The following POLR3C variants were observed in gnomAD, a reference collection of about 807,000 sequenced individuals.
POLR3C encodes DNA-directed RNA polymerase III subunit RPC3.
POLR3C carries 44 observed loss-of-function variants against 65.9 expected under a neutral mutation model. The ratio of observed to expected loss-of-function variants is 0.67; its 90% CI spans 0.52 to 0.86. The LOEUF (loss-of-function observed/expected upper bound fraction) is 0.86. Ranked by LOEUF, POLR3C falls within the 40% of genes least tolerant of loss-of-function variation. POLR3C has a pLI of 0.00. For missense variants in POLR3C, 576 were observed against 653.2 expected, an observed-to-expected ratio of 0.88 and a Z score of 1.29; for synonymous variants, 263 against 231.6, an observed-to-expected ratio of 1.14 and a Z score of -1.23.
chr1:145,842,379 C>G lies in POLR3C; in HGVS notation c.1564C>G (p.Leu522Val). ...SEIQVDETIF[L>V]LESYIECTMK... ...GATCCAGGTGGACGAAACCATCTTCCTGCTGGAGTCTTACATTGAGTGCAC... is the reference window on the plus strand; with the variant it reads ...GATCCAGGTGGACGAAACCATCTTCGTGCTGGAGTCTTACATTGAGTGCAC... Residue 522 changes from leucine to valine, a missense_variant, in exon 15 of 15, where the codon CTG becomes GTG. Coordinates refer to ENST00000334163, the MANE Select transcript of POLR3C (RefSeq NM_006468.8). The G allele has an allele frequency of 6.2e-7, 1 of 1,612,044 alleles. No individual in the cohort carries two copies. Among genetic ancestry groups the G allele is most frequent in the Non-Finnish European group, 8.5e-7 (1 of 1,178,634 alleles).
In POLR3C at chr1:145,826,585, T is replaced by C. The variant is rs781956372; in HGVS notation, c.279T>C (p.Tyr93=). The part of the protein sequence containing the change: ...LRMLRYPRYI[Y]TTKTLYSDTG... ...TGCTTAGATATCCCCGGTACATCTA[T>C]ACTACCAAAACTCTGTACAGTGACA... The change falls in exon 3 of 15, where the codon TAT becomes TAC. Residue 93 remains tyrosine, a synonymous_variant. Transcript: ENST00000334163. 2.4e-5 allele frequency: 39 copies of C among 1,614,010 alleles called. No homozygotes were observed. The South Asian group carries it at 3.2e-4, about 13-fold the overall frequency.
chr1:145,838,688 A>G (rs1011984748), intron 11 of POLR3C, among the ~76,000 whole-genome samples: 1 of 151,948 alleles, frequency 6.6e-6, no homozygotes, highest in Non-Finnish European at 1.5e-5. Flanking sequence ...CTCTGTCTCA[A>G]AAAACAAAAA....
chr1:145,825,622 T>C (rs1268388496), intron 1 of POLR3C, 135 bp from the exon 2 acceptor site: 1 of 526,742 alleles, frequency 1.9e-6, no homozygotes, highest in Non-Finnish European at 3.3e-6. Flanking sequence ...GTTTCAAAGA[T>C]ATGCAAGATT....
intron 14 of POLR3C, among the ~76,000 whole-genome samples, 191 bp from the exon 15 acceptor site, chr1:145,842,148 C>A (rs964116590): frequency 6.6e-6 from 1 of 152,114 alleles, no homozygotes; most frequent in Non-Finnish European, 1.5e-5. Context: ...GTATTCTTAG[C>A]AGTTTGCATG....
chr1:145,836,676 T>C (rs898752399), intron 8 of POLR3C, 102 bp downstream of exon 8: 1 of 944,140 alleles, frequency 1.1e-6, no homozygotes, highest in Non-Finnish European at 1.8e-6. Flanking sequence ...AGTTATTCTC[T>C]ACCTAGCCAG....
At chr1:145,827,102 T>C (rs1650824709) in intron 4 of POLR3C, 97 bp downstream of exon 4, 9 of 1,005,896 alleles carry the variant, frequency 8.9e-6, no homozygotes, top group Non-Finnish European at 1.5e-6. Context: ...ACCAAGTATT[T>C]GCTATGTGCC....
intron 14 of POLR3C, 43 bp downstream of exon 14, chr1:145,841,114 C>G: frequency 6.3e-7 from 1 of 1,577,060 alleles, no homozygotes; most frequent in South Asian, 1.1e-5. Flanking sequence ...GAATACCATC[C>G]AGAAAATCCA....
At chr1:145,836,922 G>A (rs1378967516) in intron 9 of POLR3C, 56 bp downstream of exon 9, 23 of 836,892 alleles carry the variant, frequency 2.7e-5, no homozygotes, top group Non-Finnish European at 4.2e-5. Flanking sequence ...AAATCAGAAT[G>A]GTGCCTTAGG....
chr1:145,828,676 C>A, intron 4 of POLR3C, 73 bp from the exon 5 acceptor site: 1 of 1,045,876 alleles, frequency 9.6e-7, no homozygotes, highest in Non-Finnish European at 1.5e-6. Flanking sequence ...ATGAAAGACA[C>A]CTGCTCTCAT....
At position 145,826,449 on chromosome 1, in the gene POLR3C, T is replaced by C. The variant is rs1553725744; in HGVS notation, c.148-5T>C. 1 of 1,612,408 alleles carries C rather than the reference T, an allele frequency of 6.2e-7. No individual in the cohort carries two copies. Among genetic ancestry groups the C allele is most frequent in the Non-Finnish European group, 8.5e-7 (1 of 1,178,878 alleles). On this transcript the variant is annotated splice_region_variant and splice_polypyrimidine_tract_variant and intron_variant, in intron 2 of 14. Transcript: ENST00000334163. ...CTCTCTTTCTTCTCTTTATGTTCCA[T>C]TTAGGTGAAGAAAGCCCTGTGTGTC...
In POLR3C at chr1:145,836,647, T is replaced by G. The variant is rs111903572; in HGVS notation, c.957+73T>G. ...GATAATTTATTTCTGCACTGATACC[T>G]AGTGTCATCCTCCTGCAGAGTTATT... On this transcript the variant is annotated intron_variant, in intron 8 of 14. Transcript: ENST00000334163. 1.8e-4 allele frequency: 181 copies of G among 1,009,602 alleles called. 4 individuals are homozygous for G. Among genetic ancestry groups the G allele is most frequent in the African/African-American group, 1.8e-3 (112 of 63,266 alleles). 62.5% of individuals were successfully genotyped at this position (1,009,602 alleles called of 1,614,324 possible).
At position 145,844,373 on chromosome 1, in the gene POLR3C, TAAGTA is replaced by T. The variant is rs1453590131; in HGVS notation, c.*1956_*1960del. ...TGGATGGAATTGGAGGTCATTATGT[TAAGTA>T]AAATAAACCAAGCACAGAAACAAAT... is the stretch of plus-strand genomic sequence containing the variant. On this transcript the variant is annotated 3_prime_UTR_variant, in exon 15 of 15. Coordinates refer to ENST00000334163, the MANE Select transcript of POLR3C (RefSeq NM_006468.8). 1.3e-5 allele frequency among the ~76,000 whole-genome samples: 2 copies of T among 152,218 alleles called. No homozygotes were observed. The highest frequency in any genetic ancestry group is 2.4e-5 in the African/African-American group (1 of 41,450).
chr1:145,829,069 T>C lies in POLR3C; in HGVS notation c.678+232T>C, dbSNP rs1173249222. Among the ~76,000 whole-genome samples, 3 of 152,132 alleles carry C rather than the reference T, an allele frequency of 2.0e-5. No homozygotes were observed. The East Asian group carries it at 5.8e-4, about 29-fold the overall frequency. On this transcript the variant is annotated intron_variant, in intron 5 of 14. Coordinates refer to ENST00000334163, the MANE Select transcript of POLR3C (RefSeq NM_006468.8). ...GTAACAGCTTATGTAAAAAGGGGCCTAGAAAAAGTTTAGGTTGCTCAATAT... is the reference window on the plus strand; with the variant it reads ...GTAACAGCTTATGTAAAAAGGGGCCCAGAAAAAGTTTAGGTTGCTCAATAT...
Position 145,842,453 on chromosome 1 carries a change from G to C in POLR3C, c.*33G>C, listed in dbSNP as rs781839963. 6.9e-7 allele frequency: 1 copy of C among 1,445,652 alleles called. No homozygotes were observed. The highest frequency in any genetic ancestry group is 9.7e-7 in the Non-Finnish European group (1 of 1,028,022). The allele number at this position is 1,445,652 out of a possible 1,614,324, so 89.6% of individuals were successfully genotyped here. A position where few individuals can be genotyped will look rare whatever the true frequency, so the allele number is the denominator to read the frequency against. ...GAAGCATCTTCCTCAGAAGATCTGGGGGGATGGAAAGCAAAATAAAGGAGG... is the reference window on the plus strand; with the variant it reads ...GAAGCATCTTCCTCAGAAGATCTGGCGGGATGGAAAGCAAAATAAAGGAGG... On this transcript the variant is annotated 3_prime_UTR_variant, in exon 15 of 15. Coordinates refer to ENST00000334163, the MANE Select transcript of POLR3C (RefSeq NM_006468.8).
At chr1:145,827,789 A>T (rs1396188073) in intron 4 of POLR3C, among the ~76,000 whole-genome samples, 2 of 149,538 alleles carry the variant, frequency 1.3e-5, no homozygotes, top group Non-Finnish European at 3.0e-5. Context: ...ATAGCCAGGT[A>T]TGGTGGCATA....
chr1:145,828,982 C>CA, intron 5 of POLR3C, 145 bp downstream of exon 5: 1 of 585,008 alleles, frequency 1.7e-6, no homozygotes, highest in Non-Finnish European at 3.1e-6. Flanking sequence ...AATAGACTAA[C>CA]AAAGAATGAA....
intron 14 of POLR3C, among the ~76,000 whole-genome samples, chr1:145,841,321 T>C (rs1199155207): frequency 6.6e-6 from 1 of 152,238 alleles, no homozygotes; most frequent in Non-Finnish European, 1.5e-5. Flanking sequence ...GACGGGGTTT[T>C]GGCTGTGTTG....
Position 145,824,299 on chromosome 1 carries a change from A to C in POLR3C, c.-91A>C. 3.3e-6 allele frequency: 1 copy of C among 307,344 alleles called. No individual in the cohort carries two copies. Among genetic ancestry groups the C allele is most frequent in the South Asian group, 2.5e-5 (1 of 39,508 alleles). The allele number at this position is 307,344 out of a possible 1,614,324, so 19.0% of individuals were successfully genotyped here. ...CACCTCGGCCTAGAAGGCCAGCGGG[A>C]GCCGTAGGAAGCCGTCGCGGGAAGC... On this transcript the variant is annotated 5_prime_UTR_variant, in exon 1 of 15. Transcript: ENST00000334163.
chr1:145,834,324 T>G (rs775558512), intron 7 of POLR3C, among the ~76,000 whole-genome samples: 6 of 152,088 alleles, frequency 3.9e-5, no homozygotes, highest in Non-Finnish European at 7.4e-5. Flanking sequence ...AATGGCAGAT[T>G]AATGTGAATG....
Sources: gnomAD v4.1 joint callset for allele counts (sites outside exome capture counted in the v4.1 genomes callset) on GRCh38, gnomAD v4.1.1 for gene constraint, MANE v1.5 for transcripts, NCBI Gene and HGNC (gene_info 2026-07-23, HGNC 2026-07-21) for gene names.